Variants in EFHD1 observed in about 807,000 individuals in gnomAD.
EFHD1 encodes the protein EF-hand domain family member D1, also known as EF-hand domain-containing protein D1.
EFHD1 carries 10 observed loss-of-function variants against 17.2 expected under a neutral mutation model. That is an observed-to-expected ratio of 0.58 (90% CI 0.36 to 0.99). EFHD1 has a LOEUF of 0.99. Among genes scored for constraint, EFHD1 ranks in the 50% least tolerant of loss-of-function variants. EFHD1 has a pLI of 0.01. For synonymous variants in EFHD1, 153 were observed against 142.0 expected (o/e 1.08, Z -0.55); for missense variants, 310 against 327.5 (o/e 0.95, Z 0.41).
At chr2:232,611,520 G>A (rs1693816115) in intron 1 of EFHD1, 1 of 152,184 alleles carries the variant, frequency 6.6e-6, no homozygotes, top group South Asian at 2.1e-4. Context: ...GGGATGGGTG[G>A]GCCAGCGGTG....
At chr2:232,651,104 C>T (rs1346448420) in intron 1 of EFHD1, among the ~76,000 whole-genome samples, 1 of 152,064 alleles carries the variant, frequency 6.6e-6, no homozygotes, top group African/African-American at 2.4e-5. Context: ...GAAAGCAGGC[C>T]CCGGTCAGTT....
At chr2:232,628,115 C>T (rs1165478573) in intron 1 of EFHD1, among the ~76,000 whole-genome samples, 1 of 152,158 alleles carries the variant, frequency 6.6e-6, no homozygotes, top group Non-Finnish European at 1.5e-5. Flanking sequence ...GGTTGGAGTA[C>T]AGTGACGTGA....
At chr2:232,613,270 G>A (rs959972550) in intron 1 of EFHD1, among the ~76,000 whole-genome samples, 4 of 151,710 alleles carry the variant, frequency 2.6e-5, no homozygotes, top group African/African-American at 7.3e-5. Context: ...CTAAAAATAC[G>A]AAAATGAGCT....
In EFHD1 at chr2:232,681,602, G is replaced by A. The variant is rs766176708; in HGVS notation, c.603G>A (p.Ser201=). The change falls in exon 4 of 4, where the codon TCG becomes TCA. Residue 201 remains serine (S), a synonymous_variant. Transcript: ENST00000264059. ...FFEAKVQALS[S]ASKFEAELKA... ...CTCTGCAGGTCCAAGCCTTGTCATCGGCCAGTAAGTTTGAAGCAGAGTTGA... is the reference window on the plus strand; with the variant it reads ...CTCTGCAGGTCCAAGCCTTGTCATCAGCCAGTAAGTTTGAAGCAGAGTTGA... 9.3e-6 allele frequency: 15 copies of A among 1,614,070 alleles called. No homozygotes were observed. Among genetic ancestry groups the A allele is most frequent in the South Asian group, 8.8e-5 (8 of 91,064 alleles).
intron 1 of EFHD1, among the ~76,000 whole-genome samples, chr2:232,627,201 AGCCT>A (rs1458611662): frequency 6.7e-6 from 1 of 150,270 alleles, no homozygotes; most frequent in African/African-American, 2.4e-5. Context: ...ATTGTACTCT[AGCCT>A]TTGTGACAGA....
At chr2:232,627,064 A>ATTTTTTT (rs56085382) in intron 1 of EFHD1, among the ~76,000 whole-genome samples, 7 of 92,226 alleles carry the variant, frequency 7.6e-5, no homozygotes, top group African/African-American at 3.0e-4. Flanking sequence ...ATATATATAT[A>ATTTTTTT]TTTTTTTTTT....
chr2:232,640,507 A>T (rs1436083835), intron 1 of EFHD1, among the ~76,000 whole-genome samples: 1 of 152,170 alleles, frequency 6.6e-6, no homozygotes, highest in Non-Finnish European at 1.5e-5. Flanking sequence ...ACCTGCTATG[A>T]GCTATTCATT....
At chr2:232,667,709 C>T (rs1694994601) in intron 2 of EFHD1, among the ~76,000 whole-genome samples, 1 of 152,040 alleles carries the variant, frequency 6.6e-6, no homozygotes, top group Non-Finnish European at 1.5e-5. Context: ...TGCGGCACCA[C>T]ACCCGGCTAA....
chr2:232,633,362 T>C, upstream of EFHD1: 2 of 768,138 alleles, frequency 2.6e-6, no homozygotes, highest in Non-Finnish European at 1.7e-6. Flanking sequence ...AAGGTCGGAG[T>C]TGATCCGAGG....
chr2:232,611,683 C>G (rs1396276035), intron 1 of EFHD1: 2 of 152,300 alleles, frequency 1.3e-5, no homozygotes, highest in African/African-American at 4.8e-5. Flanking sequence ...CAGCCCTATT[C>G]TGCCAACAGG....
At chr2:232,657,899 C>CTTTTT (rs1194396166) in intron 1 of EFHD1, among the ~76,000 whole-genome samples, 319 of 100,580 alleles carry the variant, frequency 3.2e-3, no homozygotes, top group Middle Eastern at 0.016. Context: ...TCTTTCTTTT[C>CTTTTT]TTTTTTTTTT....
intron 1 of EFHD1, among the ~76,000 whole-genome samples, chr2:232,619,340 C>T (rs1445967512): frequency 1.4e-5 from 2 of 143,664 alleles, no homozygotes; most frequent in African/African-American, 2.6e-5. Flanking sequence ...GATGAAGTCT[C>T]GCTCTTTTTC....
Position 232,617,625 on chromosome 2 carries a change from C to G in EFHD1, c.14+11452C>G, listed in dbSNP as rs922419970. Among the ~76,000 whole-genome samples the G allele has an allele frequency of 2.8e-5, 4 of 144,754 alleles. No homozygotes were observed. In the Admixed American group the frequency reaches 2.9e-4, roughly 10 times the overall value. The allele number at this position is 144,754 out of a possible 152,430, so 95.0% of individuals were successfully genotyped here. On this transcript the variant is annotated intron_variant, in intron 1 of 3. Transcript: ENST00000409613. ...GCCGAGATCGCCCACTGCACTCCAG[C>G]CTGGGCAACAGAGCGAGACTCCGTC...
chr2:232,609,393 T>G (rs372449746), intron 1 of EFHD1, among the ~76,000 whole-genome samples: 5 of 152,112 alleles, frequency 3.3e-5, no homozygotes, highest in South Asian at 2.1e-4. Context: ...GAAAATGAAG[T>G]GTTTGCAAAC....
Position 232,654,416 on chromosome 2 carries a change from C to CTTTTTTTTTTTTTTTTTTTT in EFHD1, c.303-8383_303-8364dup, listed in dbSNP as rs539954632. On this transcript the variant is annotated intron_variant, in intron 1 of 3. Coordinates refer to ENST00000264059, the MANE Select transcript of EFHD1 (RefSeq NM_025202.4). ...AGGATGACTTTTCTTTTCTTTCTTTCTTTTTTTTTTTTTTTTTTTTTTGAG... is the reference window on the plus strand; with the variant it reads ...AGGATGACTTTTCTTTTCTTTCTTTCTTTTTTTTTTTTTTTTTTTTTTTTTTTTTTTTTTTTTTTTTTGAG... Among the ~76,000 whole-genome samples the CTTTTTTTTTTTTTTTTTTTT allele has an allele frequency of 2.0e-4, 19 of 94,598 alleles. 1 individual carries two copies. Among genetic ancestry groups the CTTTTTTTTTTTTTTTTTTTT allele is most frequent in the South Asian group, 4.0e-4 (1 of 2,472 alleles). 62.1% of individuals were successfully genotyped at this position (94,598 alleles called of 152,430 possible).
At chr2:232,671,115 A>G (rs1695061025) in intron 2 of EFHD1, among the ~76,000 whole-genome samples, 1 of 152,138 alleles carries the variant, frequency 6.6e-6, no homozygotes, top group Admixed American at 6.6e-5. Context: ...GGCAAAAAGC[A>G]TCTTATTTTC....
intron 1 of EFHD1, among the ~76,000 whole-genome samples, chr2:232,613,700 A>G (rs1158391245): frequency 6.9e-6 from 1 of 144,292 alleles, no homozygotes; most frequent in Non-Finnish European, 1.5e-5. Flanking sequence ...AAATATACAC[A>G]CACATACACA....
intron 1 of EFHD1, among the ~76,000 whole-genome samples, chr2:232,608,354 T>A (rs1261821165): frequency 6.6e-6 from 1 of 151,986 alleles, no homozygotes; most frequent in African/African-American, 2.4e-5. Context: ...TGAGCGAGAC[T>A]TCATCTCAAA....
chr2:232,614,145 T>C (rs574062654), intron 1 of EFHD1, among the ~76,000 whole-genome samples: 9 of 151,668 alleles, frequency 5.9e-5, no homozygotes, highest in Non-Finnish European at 1.0e-4. Context: ...CACATACATA[T>C]ACACACACAC....
Sources: allele counts gnomAD v4.1 joint callset (sites outside exome capture counted in the v4.1 genomes callset), GRCh38; gene constraint gnomAD v4.1.1; transcripts MANE v1.5; gene names NCBI Gene and HGNC (gene_info 2026-07-23, HGNC 2026-07-21).